Variants in FABP12 observed in about 807,000 individuals in gnomAD.
The protein encoded by FABP12 is fatty acid binding protein 12.
A neutral mutation model predicts 13.7 loss-of-function variants in FABP12; 19 were observed. That is an observed-to-expected ratio of 1.39 (90% confidence interval 0.97 to 2.04). FABP12 has a LOEUF of 2.04. FABP12 is among the 30% of genes most tolerant of loss of function. The pLI is 0.00. For synonymous variants in FABP12, 61 were observed against 57.0 expected (o/e 1.07, Z -0.32); for missense variants, 182 against 164.2 (o/e 1.11, Z -0.59).
At chr8:81,529,678 C>A in intron 2 of FABP12, 68 bp from the exon 3 acceptor site, 1 of 1,352,556 alleles carries the variant, frequency 7.4e-7, no homozygotes, top group Non-Finnish European at 1.0e-6. Flanking sequence ...CATTACAATA[C>A]AATACTTAAA....
chr8:81,558,718 C>T (rs1019484829), intron 1 of FABP12, among the ~76,000 whole-genome samples: 12 of 151,786 alleles, frequency 7.9e-5, no homozygotes, highest in Non-Finnish European at 1.6e-4. Context: ...AGTGAAACCC[C>T]GTCTCTACTG....
In FABP12 at chr8:81,554,141, G is replaced by A. The variant is rs965161278; in HGVS notation, c.-184-14398C>T. The stretch of plus-strand genomic sequence containing the variant: ...CCAGTTTATGATACAGCTATCTTGA[G>A]GGTGTCATTCTCTTTGCTCAGTTGT... On this transcript the variant is annotated intron_variant, in intron 1 of 5. Transcript: ENST00000692030. Among the ~76,000 whole-genome samples, 7 of 152,280 alleles carry A rather than the reference G, an allele frequency of 4.6e-5. No individual in the cohort carries two copies. In the East Asian group the frequency reaches 9.7e-4, roughly 21 times the overall value.
At chr8:81,527,044 C>T in exon 4 of FABP12, 1 of 1,610,226 alleles carries the variant, frequency 6.2e-7, no homozygotes. Context: ...CATCCACCAG[C>T]TTTCTCGTTA....
chr8:81,547,281 C>T (rs1250782197), intron 1 of FABP12, among the ~76,000 whole-genome samples: 1 of 152,194 alleles, frequency 6.6e-6, no homozygotes, highest in Non-Finnish European at 1.5e-5. Context: ...ATACACACCA[C>T]AGACAAATGA....
At chr8:81,573,998 G>A (rs1050856292) in intron 1 of FABP12, among the ~76,000 whole-genome samples, 5 of 152,098 alleles carry the variant, frequency 3.3e-5, no homozygotes, top group African/African-American at 1.2e-4. Flanking sequence ...TGTTGAAGAG[G>A]AGTGGTGAAA....
chr8:81,548,835 TA>T (rs1809479237), intron 1 of FABP12, among the ~76,000 whole-genome samples: 1 of 152,180 alleles, frequency 6.6e-6, no homozygotes, highest in African/African-American at 2.4e-5. Flanking sequence ...CTACATAATT[TA>T]GATAGAAGAT....
intron 1 of FABP12, among the ~76,000 whole-genome samples, chr8:81,586,763 T>C (rs1810245202): frequency 6.6e-6 from 1 of 152,190 alleles, no homozygotes; most frequent in Admixed American, 6.5e-5. Context: ...ACTCTGTTGA[T>C]AGTTTCTTTT....
At chr8:81,531,414 T>C (rs1187168872) in intron 1 of FABP12, 24 bp from the exon 2 acceptor site, 1 of 744,714 alleles carries the variant, frequency 1.3e-6, no homozygotes, top group Non-Finnish European at 2.2e-6. Context: ...CAATTTTGGG[T>C]AGAGAATGAG....
chr8:81,524,986 T>C, exon 5 of FABP12: 1 of 1,136,480 alleles, frequency 8.8e-7, no homozygotes, highest in Non-Finnish European at 1.3e-6. Flanking sequence ...AGTCGTAATA[T>C]TTTACTTTGG....
At chr8:81,585,053 T>A (rs2081757) in intron 1 of FABP12, among the ~76,000 whole-genome samples, 1 of 152,044 alleles carries the variant, frequency 6.6e-6, no homozygotes, top group Admixed American at 6.5e-5. Flanking sequence ...CTTTGTTGAT[T>A]GTTTCTTTTG....
intron 1 of FABP12, among the ~76,000 whole-genome samples, chr8:81,556,608 A>T (rs1809620780): frequency 2.0e-5 from 3 of 151,586 alleles, no homozygotes; most frequent in Admixed American, 1.3e-4. Context: ...ATAAAAATAT[A>T]AAATATTAAA....
At chr8:81,536,097 A>T (rs187244298), upstream of FABP12, among the ~76,000 whole-genome samples, 3 of 152,288 alleles carry the variant, frequency 2.0e-5, no homozygotes, top group Non-Finnish European at 4.4e-5. Context: ...ATGTGCTGCC[A>T]TCTGGCCCAG....
At chr8:81,588,521 A>G (rs1810276161) in intron 1 of FABP12, among the ~76,000 whole-genome samples, 1 of 152,122 alleles carries the variant, frequency 6.6e-6, no homozygotes, top group Non-Finnish European at 1.5e-5. Context: ...AACTTTACTG[A>G]ATTTATTAGT....
chr8:81,565,372 G>A (rs1380306739), intron 1 of FABP12, among the ~76,000 whole-genome samples: 1 of 151,956 alleles, frequency 6.6e-6, no homozygotes, highest in Non-Finnish European at 1.5e-5. Context: ...TCATCCAATG[G>A]TTGCAGAATA....
chr8:81,579,651 T>C (rs1178836861), intron 1 of FABP12, among the ~76,000 whole-genome samples: 1 of 152,206 alleles, frequency 6.6e-6, no homozygotes, highest in East Asian at 1.9e-4. Flanking sequence ...CCCTCAAATA[T>C]GTTAACATTA....
chr8:81,582,807 A>C (rs1322559999), intron 1 of FABP12, among the ~76,000 whole-genome samples: 1 of 152,198 alleles, frequency 6.6e-6, no homozygotes, highest in East Asian at 1.9e-4. Flanking sequence ...ATCTAGAAAG[A>C]AACTTAACAA....
intron 1 of FABP12, among the ~76,000 whole-genome samples, chr8:81,588,248 C>G (rs1810272091): frequency 6.6e-6 from 1 of 152,128 alleles, no homozygotes. Context: ...ATCACAGAGC[C>G]TTTGGGCAGA....
chr8:81,568,287 A>C (rs184841983), intron 1 of FABP12, among the ~76,000 whole-genome samples: 52 of 152,328 alleles, frequency 3.4e-4, no homozygotes, highest in East Asian at 1.2e-3. Context: ...AGGAAAAAAA[A>C]CCAATAATCT....
At chr8:81,565,674 G>A (rs984962415) in intron 1 of FABP12, among the ~76,000 whole-genome samples, 6 of 151,864 alleles carry the variant, frequency 4.0e-5, no homozygotes, top group South Asian at 2.1e-4. Context: ...TACAACAAAA[G>A]CATTACTAAG....
Sources: allele counts gnomAD v4.1 joint callset (sites outside exome capture counted in the v4.1 genomes callset), GRCh38; gene constraint gnomAD v4.1.1; transcripts MANE v1.5; gene names NCBI Gene and HGNC (gene_info 2026-07-23, HGNC 2026-07-21).